The following AMMECR1 variants were observed in gnomAD, a reference collection of about 807,000 sequenced individuals.
AMMECR1 encodes AMMECR nuclear protein 1, also known as nuclear protein AMMECR1.
Under a neutral mutation model 22.5 loss-of-function variants are expected in AMMECR1, and 3 were observed. That is an observed-to-expected ratio of 0.13 (90% CI 0.06 to 0.35). The LOEUF (loss-of-function observed/expected upper bound fraction) is 0.35, where lower values mean the gene tolerates loss of function less well. AMMECR1 is among the 10% of genes least tolerant of loss of function. The pLI is 1.00. For synonymous variants in AMMECR1, 130 were observed against 116.7 expected (o/e 1.11, Z -0.74); for missense variants, 235 against 278.7 (o/e 0.84, Z 1.12).
intron 1 of AMMECR1, among the ~76,000 whole-genome samples, chrX:110,313,014 TA>T (rs764558596): frequency 8.9e-6 from 1 of 112,179 alleles, no homozygotes; most frequent in South Asian, 3.7e-4. Flanking sequence ...TAATGGCTTA[TA>T]TTTAAAATAC....
At chrX:110,393,193 T>A (rs2068506523) in intron 2 of AMMECR1, among the ~76,000 whole-genome samples, 1 of 111,476 alleles carries the variant, frequency 9.0e-6, no homozygotes, top group African/African-American at 3.3e-5. Context: ...CCTGGTACCA[T>A]CATTAATTAG....
chrX:110,293,039 ATTG>A (rs1400680018), intron 1 of AMMECR1, among the ~76,000 whole-genome samples: 3 of 112,158 alleles, frequency 2.7e-5, no homozygotes, highest in South Asian at 3.7e-4. Context: ...TACAAAATTG[ATTG>A]TTAACTGCAA....
At chrX:110,343,644 G>A (rs1273973138) in intron 2 of AMMECR1, among the ~76,000 whole-genome samples, 2 of 111,492 alleles carry the variant, frequency 1.8e-5, no homozygotes, top group Admixed American at 1.9e-4. Context: ...ATTCAGGAAA[G>A]TCTCAGGATA....
At chrX:110,347,790 C>T (rs1036418875) in intron 2 of AMMECR1, among the ~76,000 whole-genome samples, 13 of 112,249 alleles carry the variant, frequency 1.2e-4, no homozygotes, top group Admixed American at 3.8e-4. Context: ...GCTTTGATTA[C>T]AACCTCCTGC....
intron 2 of AMMECR1, among the ~76,000 whole-genome samples, chrX:110,361,690 A>G (rs2068264703): frequency 8.9e-6 from 1 of 112,189 alleles, no homozygotes; most frequent in African/African-American, 3.2e-5. Flanking sequence ...GCCATTCTCT[A>G]TCTGCCTTCC....
At chrX:110,382,242 T>A (rs1200653912) in intron 2 of AMMECR1, among the ~76,000 whole-genome samples, 1 of 110,222 alleles carries the variant, frequency 9.1e-6, no homozygotes, top group Non-Finnish European at 1.9e-5. Context: ...GATAATTATA[T>A]ACAAGTCTGG....
At chrX:110,412,067 C>T (rs1462752607) in intron 2 of AMMECR1, among the ~76,000 whole-genome samples, 1 of 112,705 alleles carries the variant, frequency 8.9e-6, no homozygotes, top group African/African-American at 3.2e-5. Context: ...AAAAGGAACA[C>T]CAATCAGTAA....
At chrX:110,299,378 T>C (rs2067954050) in intron 1 of AMMECR1, among the ~76,000 whole-genome samples, 1 of 111,894 alleles carries the variant, frequency 8.9e-6, no homozygotes, top group South Asian at 3.7e-4. Flanking sequence ...GCATGATAAA[T>C]AGTATTTGTG....
chrX:110,263,927 A>G (rs1487862716), intron 2 of AMMECR1, among the ~76,000 whole-genome samples: 1 of 112,176 alleles, frequency 8.9e-6, no homozygotes, highest in East Asian at 2.8e-4. Context: ...AGTTTTAAAC[A>G]ACTGTAATGA....
chrX:110,269,135 G>A (rs1363766145), intron 1 of AMMECR1, among the ~76,000 whole-genome samples: 1 of 111,729 alleles, frequency 9.0e-6, no homozygotes, highest in Admixed American at 9.5e-5. Flanking sequence ...ATACTGTCAG[G>A]TCAACAGTAG....
At chrX:110,212,951 T>C (rs2067454996) in intron 3 of AMMECR1, among the ~76,000 whole-genome samples, 1 of 111,948 alleles carries the variant, frequency 8.9e-6, no homozygotes, top group Admixed American at 9.4e-5. Flanking sequence ...TTCCAAAATG[T>C]TAACAGTAGT....
chrX:110,361,550 C>T (rs765570517), intron 2 of AMMECR1, among the ~76,000 whole-genome samples: 1 of 111,407 alleles, frequency 9.0e-6, no homozygotes, highest in Non-Finnish European at 1.9e-5. Flanking sequence ...AACAAAACCC[C>T]TTATAATGGC....
chrX:110,363,405 T>C (rs1250986069), intron 2 of AMMECR1, among the ~76,000 whole-genome samples: 1 of 111,530 alleles, frequency 9.0e-6, no homozygotes, highest in Non-Finnish European at 1.9e-5. Context: ...ACTGTAGAAA[T>C]GAGATTGGCT....
chrX:110,356,845 T>C (rs1049716452), intron 2 of AMMECR1, among the ~76,000 whole-genome samples: 1 of 111,419 alleles, frequency 9.0e-6, no homozygotes, highest in African/African-American at 3.3e-5. Flanking sequence ...TTGCCTGAGG[T>C]TGCATAGTTA....
At chrX:110,430,687 T>G (rs923053193) in intron 1 of AMMECR1, among the ~76,000 whole-genome samples, 1 of 112,396 alleles carries the variant, frequency 8.9e-6, no homozygotes. Flanking sequence ...AGTTAACCCT[T>G]GTATATAGGG....
intron 2 of AMMECR1, chrX:110,224,891 G>A (rs1041755350): frequency 3.3e-6 from 1 of 304,815 alleles, no homozygotes; most frequent in African/African-American, 2.8e-5. Flanking sequence ...AGATTCCATA[G>A]GCAGCAACTG....
At chrX:110,385,529 C>T (rs774208091) in intron 2 of AMMECR1, among the ~76,000 whole-genome samples, 35 of 111,789 alleles carry the variant, frequency 3.1e-4, no homozygotes, top group African/African-American at 1.1e-3. Flanking sequence ...CCCTCTCCCC[C>T]TTCCCAGCTC....
chrX:110,255,812 A>G (rs2067708160), intron 2 of AMMECR1, among the ~76,000 whole-genome samples: 2 of 112,399 alleles, frequency 1.8e-5, no homozygotes, highest in Admixed American at 1.9e-4. Flanking sequence ...TATAGTTTCC[A>G]TATGTAGATT....
chrX:110,328,663 G>C (rs1178701276), intron 2 of AMMECR1, among the ~76,000 whole-genome samples: 1 of 103,729 alleles, frequency 9.6e-6, no homozygotes, highest in African/African-American at 3.6e-5. Flanking sequence ...TCCCCTCCCT[G>C]TGTCCATGAG....
Sources: allele counts gnomAD v4.1 joint callset (sites outside exome capture counted in the v4.1 genomes callset), GRCh38; gene constraint gnomAD v4.1.1; transcripts MANE v1.5; gene names NCBI Gene and HGNC (gene_info 2026-07-23, HGNC 2026-07-21).